The following OPCML variants were observed in gnomAD, a reference collection of about 807,000 sequenced individuals.
OPCML encodes the protein opioid binding protein/cell adhesion molecule like.
In OPCML, 13 loss-of-function variants were observed where a neutral mutation model predicts 37.8. That is an observed-to-expected ratio of 0.34 (90% CI 0.22 to 0.55). OPCML has a LOEUF of 0.55. OPCML is among the 20% of genes least tolerant of loss of function. The probability of loss-of-function intolerance (pLI) is 0.91; values close to 1 mark genes in which losing one functional copy is unlikely to be tolerated. For synonymous variants in OPCML, 176 were observed against 168.8 expected, an observed-to-expected ratio of 1.04 and a Z score of -0.33; for missense variants, 341 against 435.6, an observed-to-expected ratio of 0.78 and a Z score of 1.93.
chr11:133,321,436 G>T (rs1192145617), intron 1 of OPCML, among the ~76,000 whole-genome samples: 1 of 152,170 alleles, frequency 6.6e-6, no homozygotes, highest in East Asian at 1.9e-4. Flanking sequence ...TCAAAAGATA[G>T]ATCGTATCAG....
At chr11:133,392,518 C>G (rs1009971667) in intron 1 of OPCML, among the ~76,000 whole-genome samples, 2 of 152,316 alleles carry the variant, frequency 1.3e-5, no homozygotes, top group East Asian at 3.9e-4. Context: ...GTGACTGGTC[C>G]TCTGGCACAT....
intron 3 of OPCML, among the ~76,000 whole-genome samples, chr11:132,655,668 G>C (rs1941668909): frequency 6.6e-6 from 1 of 152,174 alleles, no homozygotes; most frequent in African/African-American, 2.4e-5. Flanking sequence ...AGGACTGCTG[G>C]GGAACAGCAG....
At chr11:132,941,328 G>T (rs183244050) in intron 2 of OPCML, among the ~76,000 whole-genome samples, 128 of 152,244 alleles carry the variant, frequency 8.4e-4, no homozygotes, top group African/African-American at 3.1e-3. Context: ...AGAGGACAGA[G>T]GATTCTGGAA....
At chr11:132,497,918 T>C (rs2096236548) in intron 4 of OPCML, among the ~76,000 whole-genome samples, 1 of 152,198 alleles carries the variant, frequency 6.6e-6, no homozygotes, top group African/African-American at 2.4e-5. Flanking sequence ...GCACAGCAGT[T>C]TGACATTTTT....
chr11:133,315,762 C>T (rs1238428729), intron 1 of OPCML, among the ~76,000 whole-genome samples: 3 of 152,154 alleles, frequency 2.0e-5, no homozygotes, highest in Non-Finnish European at 4.4e-5. Flanking sequence ...CATGCCACCA[C>T]ACTCCAGCCT....
intron 2 of OPCML, among the ~76,000 whole-genome samples, chr11:132,730,077 G>A (rs569525889): frequency 7.6e-5 from 10 of 131,646 alleles, no homozygotes; most frequent in African/African-American, 2.0e-4. Flanking sequence ...ACAGTGGCAC[G>A]ATCTCAGCTC....
chr11:133,422,134 C>T, intron 1 of OPCML: 1 of 982,896 alleles, frequency 1.0e-6, no homozygotes, highest in Non-Finnish European at 1.2e-6. Flanking sequence ...CACCCCCTGG[C>T]AGGCCCCGAT....
At chr11:133,397,983 G>A (rs1247881930) in intron 1 of OPCML, among the ~76,000 whole-genome samples, 3 of 152,138 alleles carry the variant, frequency 2.0e-5, no homozygotes, top group African/African-American at 7.2e-5. Flanking sequence ...GTTTTCTAGT[G>A]ACAATGATGG....
intron 1 of OPCML, among the ~76,000 whole-genome samples, chr11:133,284,335 G>A (rs549757068): frequency 2.6e-5 from 4 of 152,222 alleles, no homozygotes; most frequent in East Asian, 3.9e-4. Flanking sequence ...TCTGTGTCAC[G>A]AGAATCACAG....
At chr11:133,146,773 T>A (rs1031683420) in intron 1 of OPCML, among the ~76,000 whole-genome samples, 3 of 152,186 alleles carry the variant, frequency 2.0e-5, no homozygotes, top group Non-Finnish European at 4.4e-5. Flanking sequence ...CTATCTCCTA[T>A]CCTCATCTGT....
intron 1 of OPCML, among the ~76,000 whole-genome samples, chr11:133,481,234 CT>C (rs1947364103): frequency 6.6e-6 from 1 of 152,156 alleles, no homozygotes; most frequent in African/African-American, 2.4e-5. Flanking sequence ...GAGGCTGCCT[CT>C]GTCCCAAAAG....
intron 2 of OPCML, chr11:132,773,491 C>T (rs1946712653): frequency 6.6e-6 from 1 of 152,188 alleles, no homozygotes; most frequent in South Asian, 2.1e-4. Flanking sequence ...CAAAGGACCT[C>T]TTCTGTCTCT....
chr11:133,024,216 C>G (rs1263312213), intron 1 of OPCML: 1 of 290,068 alleles, frequency 3.4e-6, no homozygotes, highest in East Asian at 1.7e-4. Context: ...GAGGATTCAT[C>G]AGACCAACCT....
At chr11:133,528,581 C>A (rs1948536945) in intron 1 of OPCML, among the ~76,000 whole-genome samples, 1 of 152,172 alleles carries the variant, frequency 6.6e-6, no homozygotes, top group South Asian at 2.1e-4. Flanking sequence ...AACATCCCAG[C>A]CCAGAAACTC....
intron 2 of OPCML, among the ~76,000 whole-genome samples, chr11:132,694,601 T>G (rs1426624374): frequency 6.6e-6 from 1 of 152,240 alleles, no homozygotes; most frequent in African/African-American, 2.4e-5. Context: ...TTGTGCTACA[T>G]GCTGCCAGTT....
intron 1 of OPCML, among the ~76,000 whole-genome samples, chr11:133,098,160 A>C (rs1359649161): frequency 6.6e-6 from 1 of 152,202 alleles, no homozygotes; most frequent in Non-Finnish European, 1.5e-5. Context: ...TACAGAAAGA[A>C]ATATACGCTG....
intron 1 of OPCML, among the ~76,000 whole-genome samples, chr11:133,266,434 G>A (rs934603238): frequency 6.6e-6 from 1 of 151,978 alleles, no homozygotes; most frequent in African/African-American, 2.4e-5. Context: ...TCTCCCCCTG[G>A]TCTCTAAGTC....
At chr11:133,168,488 C>T (rs1222800619) in intron 1 of OPCML, among the ~76,000 whole-genome samples, 2 of 152,058 alleles carry the variant, frequency 1.3e-5, no homozygotes, top group Non-Finnish European at 2.9e-5. Context: ...TAAGAAATGA[C>T]CAAAATTGGT....
At chr11:133,382,115 G>A (rs1175226222) in intron 1 of OPCML, among the ~76,000 whole-genome samples, 1 of 152,210 alleles carries the variant, frequency 6.6e-6, no homozygotes, top group Admixed American at 6.5e-5. Context: ...GGGAGGCGGA[G>A]GGATGGAAGG....
Sources: allele counts gnomAD v4.1 joint callset (sites outside exome capture counted in the v4.1 genomes callset), GRCh38; gene constraint gnomAD v4.1.1; transcripts MANE v1.5; gene names NCBI Gene and HGNC (gene_info 2026-07-23, HGNC 2026-07-21).